PABPC4L: variants seen among roughly 807,000 people sequenced by gnomAD.
PABPC4L encodes poly(A) binding protein cytoplasmic 4 like, also known as polyadenylate-binding protein 4-like.
For missense variants in PABPC4L, 452 were observed against 451.4 expected (o/e 1.00, Z -0.01); for synonymous variants, 169 against 164.1 (o/e 1.03, Z -0.23).
chr4:133,953,999 C>T, the PABPC4L span, among the ~76,000 whole-genome samples: 2 of 152,264 alleles, frequency 1.3e-5, no homozygotes, highest in Non-Finnish European at 2.9e-5. Context: ...GCAACTCCTA[C>T]CTGTCCCATA....
chr4:134,000,597 CT>C, the PABPC4L span, among the ~76,000 whole-genome samples: 3 of 152,090 alleles, frequency 2.0e-5, no homozygotes, highest in Non-Finnish European at 4.4e-5. Flanking sequence ...AACTCATTAA[CT>C]TTTTTTCTTG....
rs1729748341 is a variant in PABPC4L at position 134,198,812 on chromosome 4, A to C, written c.*1095T>G. On this transcript the variant is annotated 3_prime_UTR_variant, in exon 2 of 2. Transcript: ENST00000421491. ...TTCTAAACTAAAAATTATGCTAGAA[A>C]ACAGAATAAGTGATGTAACTTCAAT... 6.6e-6 allele frequency: 1 copy of C among 151,998 alleles called. No individual in the cohort carries two copies. The highest frequency in any genetic ancestry group is 1.5e-5 in the Non-Finnish European group (1 of 67,876). The allele number at this position is 151,998 out of a possible 1,614,324, so 9.4% of individuals were successfully genotyped here. A position where few individuals can be genotyped will look rare whatever the true frequency, so the allele number is the denominator to read the frequency against.
At chr4:134,090,062 C>T in the PABPC4L span, among the ~76,000 whole-genome samples, 21 of 152,060 alleles carry the variant, frequency 1.4e-4, no homozygotes, top group African/African-American at 4.1e-4. Flanking sequence ...AGGATTACTC[C>T]GTTCTCAGGT....
chr4:133,986,936 AT>A, the PABPC4L span, among the ~76,000 whole-genome samples: 1 of 151,978 alleles, frequency 6.6e-6, no homozygotes, highest in South Asian at 2.1e-4. Context: ...GGGTTTTGGT[AT>A]GTTGGCCAGG....
chr4:134,031,823 T>C, the PABPC4L span, among the ~76,000 whole-genome samples: 1 of 151,862 alleles, frequency 6.6e-6, no homozygotes, highest in African/African-American at 2.4e-5. Flanking sequence ...TTAATAAATA[T>C]TTGTTGAATG....
At chr4:134,031,430 TCA>T in the PABPC4L span, among the ~76,000 whole-genome samples, 1 of 152,012 alleles carries the variant, frequency 6.6e-6, no homozygotes, top group Admixed American at 6.6e-5. Flanking sequence ...GACTGCTTTA[TCA>T]CATCATGTAT....
chr4:134,114,722 AC>A, the PABPC4L span, among the ~76,000 whole-genome samples: 1 of 151,792 alleles, frequency 6.6e-6, no homozygotes, highest in East Asian at 1.9e-4. Flanking sequence ...ACCTATTCAA[AC>A]TTTTATGTGA....
chr4:134,024,923 ATT>A, the PABPC4L span, among the ~76,000 whole-genome samples: 20 of 128,488 alleles, frequency 1.6e-4, no homozygotes, highest in African/African-American at 3.4e-4. Flanking sequence ...TAATTATGTA[ATT>A]TTTTTTTTTT....
At chr4:134,141,134 A>T in the PABPC4L span, among the ~76,000 whole-genome samples, 1 of 151,832 alleles carries the variant, frequency 6.6e-6, no homozygotes, top group African/African-American at 2.4e-5. Flanking sequence ...AGTACAAAAT[A>T]ACCCTTAGAA....
the PABPC4L span, among the ~76,000 whole-genome samples, chr4:134,041,513 T>A: frequency 6.6e-6 from 1 of 151,706 alleles, no homozygotes; most frequent in Non-Finnish European, 1.5e-5. Context: ...CACTCATAAA[T>A]GGGAGTTGAA....
At chr4:134,016,483 C>A in the PABPC4L span, among the ~76,000 whole-genome samples, 1 of 152,166 alleles carries the variant, frequency 6.6e-6, no homozygotes, top group South Asian at 2.1e-4. Flanking sequence ...AATGCTTATG[C>A]TGATAAGATA....
At chr4:134,102,988 T>A in the PABPC4L span, among the ~76,000 whole-genome samples, 1 of 151,496 alleles carries the variant, frequency 6.6e-6, no homozygotes, top group Admixed American at 6.6e-5. Context: ...ATTTCTACAT[T>A]GTTTATTTCT....
the PABPC4L span, among the ~76,000 whole-genome samples, chr4:134,074,340 C>T: frequency 6.6e-6 from 1 of 152,156 alleles, no homozygotes; most frequent in Non-Finnish European, 1.5e-5. Flanking sequence ...TCTGAGACCA[C>T]CTCAGCCTGG....
chr4:134,103,739 C>T, the PABPC4L span, among the ~76,000 whole-genome samples: 6 of 151,676 alleles, frequency 4.0e-5, no homozygotes, highest in Non-Finnish European at 7.4e-5. Flanking sequence ...GTTTCCATGA[C>T]TAGCTTTAAG....
At chr4:134,146,331 T>A in the PABPC4L span, among the ~76,000 whole-genome samples, 1 of 128,012 alleles carries the variant, frequency 7.8e-6, no homozygotes, top group South Asian at 2.9e-4. Context: ...AATAAAAAAT[T>A]CAATACAGTG....
At chr4:133,961,000 C>T in the PABPC4L span, among the ~76,000 whole-genome samples, 8 of 152,106 alleles carry the variant, frequency 5.3e-5, no homozygotes, top group East Asian at 1.9e-4. Flanking sequence ...GAAAAAAGAG[C>T]GTGTACTCTT....
the PABPC4L span, among the ~76,000 whole-genome samples, chr4:134,003,062 GGT>G: frequency 6.6e-6 from 1 of 151,570 alleles, no homozygotes; most frequent in Non-Finnish European, 1.5e-5. Flanking sequence ...TCATTTCAGG[GGT>G]GTCTCACTTC....
At chr4:134,088,176 C>A in the PABPC4L span, among the ~76,000 whole-genome samples, 1 of 151,982 alleles carries the variant, frequency 6.6e-6, no homozygotes, top group Non-Finnish European at 1.5e-5. Flanking sequence ...TTAGAATATT[C>A]TGGGGTTTAC....
the PABPC4L span, among the ~76,000 whole-genome samples, chr4:133,958,347 A>G: frequency 6.6e-6 from 1 of 152,192 alleles, no homozygotes; most frequent in Non-Finnish European, 1.5e-5. Context: ...ATCATTGTCC[A>G]TATCACTATC....
Sources: allele counts gnomAD v4.1 joint callset (sites outside exome capture counted in the v4.1 genomes callset), GRCh38; gene constraint gnomAD v4.1.1; transcripts MANE v1.5; gene names NCBI Gene and HGNC (gene_info 2026-07-23, HGNC 2026-07-21).